LDLRAD3: variants seen among roughly 807,000 people sequenced by gnomAD.
LDLRAD3 encodes low-density lipoprotein receptor class A domain-containing protein 3.
In LDLRAD3, 20 loss-of-function variants were observed where a neutral mutation model predicts 29.4. The observed-to-expected ratio is 0.68, with a 90% confidence interval of 0.48 to 0.99. The LOEUF (loss-of-function observed/expected upper bound fraction) is 0.99. Ranked by LOEUF, LDLRAD3 falls within the 50% of genes least tolerant of loss-of-function variation. The probability of loss-of-function intolerance (pLI) is 0.00; values close to 1 mark genes in which losing one functional copy is unlikely to be tolerated. For missense variants in LDLRAD3, 420 were observed against 454.3 expected, an observed-to-expected ratio of 0.92 and a Z score of 0.69; for synonymous variants, 157 against 192.7, an observed-to-expected ratio of 0.81 and a Z score of 1.53.
chr11:36,211,211 A>G (rs1406729136), intron 4 of LDLRAD3, among the ~76,000 whole-genome samples: 2 of 152,212 alleles, frequency 1.3e-5, no homozygotes, highest in Non-Finnish European at 2.9e-5. Flanking sequence ...ATGAATGGGA[A>G]TGGCTGTGTA....
chr11:36,226,070 TAAATA>T (rs1855494350), intron 4 of LDLRAD3, among the ~76,000 whole-genome samples: 1 of 135,092 alleles, frequency 7.4e-6, no homozygotes, highest in Admixed American at 7.0e-5. Flanking sequence ...CTGTCTCAAA[TAAATA>T]AATAAATAAA....
At chr11:36,076,534 C>T (rs1015402714) in intron 2 of LDLRAD3, among the ~76,000 whole-genome samples, 43 of 152,088 alleles carry the variant, frequency 2.8e-4, no homozygotes, top group African/African-American at 9.4e-4. Context: ...TACAGGTGCC[C>T]GCCACCACGC....
At chr11:35,973,935 C>G (rs1049237888) in intron 1 of LDLRAD3, among the ~76,000 whole-genome samples, 4 of 152,168 alleles carry the variant, frequency 2.6e-5, no homozygotes, top group African/African-American at 9.7e-5. Flanking sequence ...GTTTCTCACT[C>G]TTATAATGAG....
At chr11:36,128,906 G>A (rs1191599830) in intron 4 of LDLRAD3, among the ~76,000 whole-genome samples, 1 of 151,972 alleles carries the variant, frequency 6.6e-6, no homozygotes, top group East Asian at 1.9e-4. Context: ...GTGGAACAGT[G>A]ATGGGCAGAG....
intron 4 of LDLRAD3, among the ~76,000 whole-genome samples, chr11:36,144,004 A>G (rs1854129167): frequency 7.1e-6 from 1 of 139,880 alleles, no homozygotes; most frequent in African/African-American, 2.6e-5. Flanking sequence ...TACTGCTGCC[A>G]TCTCGGCTCA....
chr11:36,084,114 G>T (rs1565211236), intron 3 of LDLRAD3, among the ~76,000 whole-genome samples: 1 of 151,832 alleles, frequency 6.6e-6, no homozygotes, highest in Non-Finnish European at 1.5e-5. Context: ...TTGTAGAGAT[G>T]ACATTTTACC....
intron 1 of LDLRAD3, among the ~76,000 whole-genome samples, chr11:36,024,035 A>G (rs1052275864): frequency 6.6e-6 from 1 of 152,124 alleles, no homozygotes; most frequent in Non-Finnish European, 1.5e-5. Flanking sequence ...TGGCCCCACA[A>G]TCTGCTTTTC....
intron 1 of LDLRAD3, among the ~76,000 whole-genome samples, chr11:35,995,758 A>G (rs947063846): frequency 6.6e-6 from 1 of 152,216 alleles, no homozygotes; most frequent in Non-Finnish European, 1.5e-5. Context: ...TGCAGCTTCT[A>G]CATCAGTATT....
At position 36,229,239 on chromosome 11, in the gene LDLRAD3, C is replaced by A; in HGVS notation, c.880C>A (p.Arg294Ser). The A allele has an allele frequency of 6.2e-7, 1 of 1,614,096 alleles. No individual in the cohort carries two copies. Among genetic ancestry groups the A allele is most frequent in the Non-Finnish European group, 8.5e-7 (1 of 1,180,018 alleles). ...GAACCAAGCCGACCTGCCCCCCTAC[C>A]GCTCCCGGTCCGGGAGTGCCAACAG... ...SLNQADLPPYRSRSGSANSAS... is the reference protein window; with the variant it reads ...SLNQADLPPYSSRSGSANSAS... The change falls in exon 6 of 6, where the codon CGC (arginine) becomes AGC (serine). Residue 294 changes from arginine to serine, a missense_variant. Physicochemically the swap from Arg to Ser is moderately radical, Grantham distance 110. This residue lies in a region of LDLRAD3 where 140 missense variants were observed against 139.9 expected (regional missense o/e 1.00). Transcript: ENST00000315571.
At position 36,232,017 on chromosome 11, in the gene LDLRAD3, G is replaced by T. The variant is rs1198290174; in HGVS notation, c.*2620G>T. ...AATGCAACTAAGTGGTTAATAGTGT[G>T]TGACGCTCAAAGTTAATGTAAACTG... On this transcript the variant is annotated 3_prime_UTR_variant, in exon 6 of 6. Coordinates refer to ENST00000315571, the MANE Select transcript of LDLRAD3 (RefSeq NM_174902.4). The T allele has an allele frequency of 6.6e-6, 1 of 152,214 alleles. No individual in the cohort carries two copies. The highest frequency in any genetic ancestry group is 2.4e-5 in the African/African-American group (1 of 41,452). The allele number at this position is 152,214 out of a possible 1,614,324, so 9.4% of individuals were successfully genotyped here. A position where few individuals can be genotyped will look rare whatever the true frequency, so the allele number is the denominator to read the frequency against.
At chr11:36,194,414 T>A (rs12575645) in intron 4 of LDLRAD3, among the ~76,000 whole-genome samples, 13,430 of 152,222 alleles carry the variant, frequency 0.088, 617 homozygotes, top group East Asian at 0.19. Flanking sequence ...AATCCTATTG[T>A]GTATCTGGAA....
chr11:36,159,407 T>C, intron 4 of LDLRAD3, among the ~76,000 whole-genome samples: 1 of 151,638 alleles, frequency 6.6e-6, no homozygotes. Flanking sequence ...AGGTTGATTC[T>C]GCGGTGAGCC....
intron 4 of LDLRAD3, among the ~76,000 whole-genome samples, chr11:36,111,995 A>G (rs1404304781): frequency 1.3e-5 from 2 of 152,168 alleles, no homozygotes; most frequent in Non-Finnish European, 1.5e-5. Context: ...TGTGCCCTTT[A>G]TCATGTGTCT....
intron 4 of LDLRAD3, among the ~76,000 whole-genome samples, chr11:36,115,903 G>A (rs12276510): frequency 0.099 from 15,021 of 152,182 alleles, 1,078 homozygotes; most frequent in East Asian, 0.33. Context: ...GAGTAAGCTA[G>A]TTTTGCAAGG....
At chr11:36,164,879 T>C (rs368805324) in intron 4 of LDLRAD3, among the ~76,000 whole-genome samples, 3 of 152,228 alleles carry the variant, frequency 2.0e-5, no homozygotes, top group Non-Finnish European at 2.9e-5. Context: ...CAGTTGCTAT[T>C]GTTTGTTGAA....
chr11:35,949,574 C>A (rs562383685), intron 1 of LDLRAD3, among the ~76,000 whole-genome samples: 1 of 152,180 alleles, frequency 6.6e-6, no homozygotes, highest in Non-Finnish European at 1.5e-5. Context: ...TCTCTACTAG[C>A]GGCAAGCTGT....
At chr11:36,126,230 T>A (rs1337197337) in intron 4 of LDLRAD3, among the ~76,000 whole-genome samples, 4 of 152,078 alleles carry the variant, frequency 2.6e-5, no homozygotes, top group African/African-American at 9.7e-5. Flanking sequence ...GCCCGCCCCC[T>A]CATCACCTAT....
At chr11:36,168,382 A>G (rs1565274616) in intron 4 of LDLRAD3, among the ~76,000 whole-genome samples, 1 of 152,174 alleles carries the variant, frequency 6.6e-6, no homozygotes, top group Non-Finnish European at 1.5e-5. Flanking sequence ...GGTGAGGGTT[A>G]GACCAACAAC....
intron 2 of LDLRAD3, among the ~76,000 whole-genome samples, chr11:36,071,381 T>C (rs1476935735): frequency 6.6e-6 from 1 of 152,176 alleles, no homozygotes; most frequent in Non-Finnish European, 1.5e-5. Context: ...AAAGCATGCA[T>C]GTCCTTTGAC....
Sources: gnomAD v4.1 joint callset for allele counts (sites outside exome capture counted in the v4.1 genomes callset) on GRCh38, gnomAD v4.1.1 for gene constraint, gnomAD v4.1.1 regional missense constraint, MANE v1.5 for transcripts, NCBI Gene and HGNC (gene_info 2026-07-23, HGNC 2026-07-21) for gene names.